Variants in DRC11 observed in about 807,000 individuals in gnomAD.
DRC11 encodes dynein regulatory complex subunit 11.
At chr2:236,390,549 C>T in the DRC11 span, among the ~76,000 whole-genome samples, 3 of 152,202 alleles carry the variant, frequency 2.0e-5, no homozygotes, top group Non-Finnish European at 2.9e-5. This position sits in a 1 kb window ranked among gnomAD's most constrained non-coding sequence, Gnocchi z 5.9. Context: ...TCTGAAGTTA[C>T]AAGTTGCTGT....
At chr2:236,470,524 T>C in the DRC11 span, among the ~76,000 whole-genome samples, 8 of 152,208 alleles carry the variant, frequency 5.3e-5, no homozygotes, top group Non-Finnish European at 1.2e-4. This position sits in a 1 kb window ranked among gnomAD's most constrained non-coding sequence, Gnocchi z 5.1. Context: ...ATTTTGCACA[T>C]GGAAGACCTC....
the DRC11 span, among the ~76,000 whole-genome samples, chr2:236,369,879 G>A: frequency 1.1e-4 from 16 of 152,148 alleles, no homozygotes; most frequent in African/African-American, 3.9e-4. This position sits in a 1 kb window ranked among gnomAD's most constrained non-coding sequence, Gnocchi z 4.5. Flanking sequence ...AGTGGCAGAC[G>A]AAAAGGCATT....
chr2:236,358,836 C>A, the DRC11 span, among the ~76,000 whole-genome samples: 1 of 147,494 alleles, frequency 6.8e-6, no homozygotes, highest in Non-Finnish European at 1.5e-5. Flanking sequence ...GCCCCAAGAC[C>A]GTCACGTGGC....
chr2:236,330,892 T>C, the DRC11 span, among the ~76,000 whole-genome samples: 1 of 152,184 alleles, frequency 6.6e-6, no homozygotes, highest in Admixed American at 6.5e-5. The surrounding 1 kb of genome is among the most constrained non-coding windows in gnomAD (Gnocchi z 5.5). Flanking sequence ...ATTCAAACAT[T>C]GGAAAACTAA....
chr2:236,363,570 G>T, the DRC11 span, among the ~76,000 whole-genome samples: 1 of 152,188 alleles, frequency 6.6e-6, no homozygotes, highest in Admixed American at 6.5e-5. This position sits in a 1 kb window ranked among gnomAD's most constrained non-coding sequence, Gnocchi z 5.6. Flanking sequence ...AGGGTGATTG[G>T]GATGGCACAG....
chr2:236,357,808 T>G, the DRC11 span, among the ~76,000 whole-genome samples: 1 of 126,152 alleles, frequency 7.9e-6, no homozygotes, highest in African/African-American at 3.2e-5. Flanking sequence ...TATATAAATA[T>G]AGAATATATA....
chr2:236,357,935 T>C, the DRC11 span, among the ~76,000 whole-genome samples: 2 of 107,678 alleles, frequency 1.9e-5, no homozygotes, highest in Non-Finnish European at 3.5e-5. Flanking sequence ...AATTCATATA[T>C]GAATATATAA....
the DRC11 span, among the ~76,000 whole-genome samples, chr2:236,397,556 G>A: frequency 2.0e-5 from 3 of 152,204 alleles, no homozygotes; most frequent in Admixed American, 6.5e-5. The surrounding 1 kb of genome is among the most constrained non-coding windows in gnomAD (Gnocchi z 5.0). Context: ...GGTGCTCTTC[G>A]GAAGAAAACA....
chr2:236,489,838 T>C, the DRC11 span, among the ~76,000 whole-genome samples: 1 of 152,288 alleles, frequency 6.6e-6, no homozygotes, highest in African/African-American at 2.4e-5. Context: ...GGCGAGAGGA[T>C]CACTTGAGCC....
the DRC11 span, among the ~76,000 whole-genome samples, chr2:236,471,877 G>A: frequency 1.3e-5 from 2 of 152,154 alleles, no homozygotes; most frequent in African/African-American, 4.8e-5. The surrounding 1 kb of genome is among the most constrained non-coding windows in gnomAD (Gnocchi z 4.6). Context: ...TATTAGATAA[G>A]TAAACACAGA....
At chr2:236,501,968 A>C in the DRC11 span, among the ~76,000 whole-genome samples, 2 of 152,200 alleles carry the variant, frequency 1.3e-5, no homozygotes, top group Non-Finnish European at 2.9e-5. Context: ...TCCAGACAGC[A>C]ACAGTCCAGC....
the DRC11 span, among the ~76,000 whole-genome samples, chr2:236,474,014 G>A: frequency 1.3e-5 from 2 of 152,122 alleles, no homozygotes; most frequent in African/African-American, 4.8e-5. Flanking sequence ...AAATGAGTAG[G>A]TAATATCTTA....
At chr2:236,486,507 T>C in the DRC11 span, among the ~76,000 whole-genome samples, 5 of 150,294 alleles carry the variant, frequency 3.3e-5, no homozygotes, top group African/African-American at 1.2e-4. This position sits in a 1 kb window ranked among gnomAD's most constrained non-coding sequence, Gnocchi z 5.7. Flanking sequence ...GCTGTATCAA[T>C]GCAAACCCAC....
the DRC11 span, among the ~76,000 whole-genome samples, chr2:236,459,554 T>TACATAC: frequency 8.6e-6 from 1 of 116,836 alleles, no homozygotes; most frequent in Non-Finnish European, 1.8e-5. Flanking sequence ...TACGTATACA[T>TACATAC]GTATACGTAT....
At chr2:236,479,263 T>C in the DRC11 span, among the ~76,000 whole-genome samples, 3 of 152,224 alleles carry the variant, frequency 2.0e-5, no homozygotes, top group African/African-American at 4.8e-5. This position sits in a 1 kb window ranked among gnomAD's most constrained non-coding sequence, Gnocchi z 4.1. Flanking sequence ...GTAGGCAGCA[T>C]ATGGTTGGAT....
At chr2:236,470,145 G>T in the DRC11 span, among the ~76,000 whole-genome samples, 1 of 152,106 alleles carries the variant, frequency 6.6e-6, no homozygotes, top group Non-Finnish European at 1.5e-5. This position sits in a 1 kb window ranked among gnomAD's most constrained non-coding sequence, Gnocchi z 5.1. Flanking sequence ...ATGTTTGATG[G>T]GCTTTGTCTT....
At chr2:236,417,019 C>G in the DRC11 span, among the ~76,000 whole-genome samples, 1 of 151,364 alleles carries the variant, frequency 6.6e-6, no homozygotes, top group African/African-American at 2.4e-5. Context: ...CTTGGCCTCC[C>G]AAAGTGCTGG....
At chr2:236,461,679 C>T in the DRC11 span, among the ~76,000 whole-genome samples, 1 of 152,166 alleles carries the variant, frequency 6.6e-6, no homozygotes, top group African/African-American at 2.4e-5. This position sits in a 1 kb window ranked among gnomAD's most constrained non-coding sequence, Gnocchi z 4.0. Context: ...GGTCTCAGCA[C>T]CCTTCATCTG....
chr2:236,395,670 C>T, the DRC11 span, among the ~76,000 whole-genome samples: 1 of 152,182 alleles, frequency 6.6e-6, no homozygotes, highest in Admixed American at 6.5e-5. Context: ...ATCAATGCTT[C>T]CTTTTATGTG....
Sources: allele counts gnomAD v4.1 joint callset (sites outside exome capture counted in the v4.1 genomes callset), GRCh38; gene constraint gnomAD v4.1.1; non-coding constraint Gnocchi (gnomAD v3.1); transcripts MANE v1.5; gene names NCBI Gene and HGNC (gene_info 2026-07-23, HGNC 2026-07-21).